Variants in RABIF observed in about 807,000 individuals in gnomAD.
RABIF encodes RAB interacting factor, also known as guanine nucleotide exchange factor MSS4.
In RABIF, 13 loss-of-function variants were observed where a neutral mutation model predicts 12.3. That is an observed-to-expected ratio of 1.06 (90% CI 0.69 to 1.68). RABIF has a LOEUF of 1.68. Among genes scored for constraint, RABIF ranks in the 40% most tolerant of loss-of-function variants. The probability of loss-of-function intolerance (pLI) is 0.00; values close to 1 mark genes in which losing one functional copy is unlikely to be tolerated. For synonymous variants in RABIF, 70 were observed against 63.3 expected, an observed-to-expected ratio of 1.11 and a Z score of -0.50; for missense variants, 153 against 158.0, an observed-to-expected ratio of 0.97 and a Z score of 0.17.
Position 202,889,148 on chromosome 1 carries a change from C to T in RABIF, c.-50G>A, listed in dbSNP as rs530279299. 8 of 1,553,706 alleles carry T rather than the reference C, an allele frequency of 5.1e-6. No individual in the cohort carries two copies. The East Asian group carries it at 7.0e-5, about 14-fold the overall frequency. ...AGCCACGGCTGCGCAGACGCTGTCT[C>T]TGCTGGCTCGTTATTCACTGCGCTG... On this transcript the variant is annotated 5_prime_UTR_variant, in exon 1 of 2. Transcript: ENST00000367262.
At position 202,879,106 on chromosome 1, in the gene RABIF, A is replaced by G. The variant is rs1164398181; in HGVS notation, c.*1872T>C. 2.0e-5 allele frequency: 3 copies of G among 152,256 alleles called. No individual in the cohort carries two copies. The highest frequency in any genetic ancestry group is 4.4e-5 in the Non-Finnish European group (3 of 68,038). 9.4% of individuals were successfully genotyped at this position (152,256 alleles called of 1,614,324 possible). On this transcript the variant is annotated 3_prime_UTR_variant, in exon 2 of 2. Transcript: ENST00000367262. ...TACGTATATAAAAGTTTCACTAGAAATAAAATAAATGCAAATTAAAACAAT... is the reference window on the plus strand; with the variant it reads ...TACGTATATAAAAGTTTCACTAGAAGTAAAATAAATGCAAATTAAAACAAT...
intron 1 of RABIF, among the ~76,000 whole-genome samples, chr1:202,884,024 C>A (rs865837132): frequency 3.4e-4 from 52 of 152,160 alleles, no homozygotes; most frequent in African/African-American, 1.1e-3. Context: ...GGGATGGCAA[C>A]AAAAAAATTA....
Position 202,880,306 on chromosome 1 carries a change from G to A in RABIF, c.*672C>T, listed in dbSNP as rs1179648204. 6.6e-6 allele frequency: 1 copy of A among 152,578 alleles called. No individual in the cohort carries two copies. Among genetic ancestry groups the A allele is most frequent in the Non-Finnish European group, 1.5e-5 (1 of 68,052 alleles). 9.5% of individuals were successfully genotyped at this position (152,578 alleles called of 1,614,324 possible). ...ACCTTCTAGGCTGTAGCAGTGAGGAGCTAATATAAAAAGAAACTACAAGAT... is the reference window on the plus strand; with the variant it reads ...ACCTTCTAGGCTGTAGCAGTGAGGAACTAATATAAAAAGAAACTACAAGAT... On this transcript the variant is annotated 3_prime_UTR_variant, in exon 2 of 2. Transcript: ENST00000367262.
chr1:202,880,977 G>C lies in RABIF; in HGVS notation c.*1C>G. 1.2e-6 allele frequency: 2 copies of C among 1,613,812 alleles called. No homozygotes were observed. Among genetic ancestry groups the C allele is most frequent in the South Asian group, 1.1e-5 (1 of 91,066 alleles). ...ATGGAGCTGAGTACCCCTCCCCTCA[G>C]TTACTCATGGGAAACTCGTTCCAAG... On this transcript the variant is annotated 3_prime_UTR_variant, in exon 2 of 2. Transcript: ENST00000367262.
Position 202,879,549 on chromosome 1 carries a change from C to G in RABIF, c.*1429G>C, listed in dbSNP as rs575909658. The G allele has an allele frequency of 2.0e-5, 3 of 152,274 alleles. No homozygotes were observed. The highest frequency in any genetic ancestry group is 4.4e-5 in the Non-Finnish European group (3 of 68,032). The allele number at this position is 152,274 out of a possible 1,614,324, so 9.4% of individuals were successfully genotyped here. A position where few individuals can be genotyped will look rare whatever the true frequency, so the allele number is the denominator to read the frequency against. On this transcript the variant is annotated 3_prime_UTR_variant, in exon 2 of 2. Transcript: ENST00000367262. Reference sequence around the variant, plus strand: ...CATGCCATAACGATGGACATGTGACCGTTTGTCGGAAAAACACAGTTCTCT... The same window carrying G: ...CATGCCATAACGATGGACATGTGACGGTTTGTCGGAAAAACACAGTTCTCT...
intron 1 of RABIF, among the ~76,000 whole-genome samples, 163 bp from the exon 2 acceptor site, chr1:202,881,386 C>T (rs565285890): frequency 6.6e-6 from 1 of 151,164 alleles, no homozygotes; most frequent in South Asian, 2.1e-4. Context: ...CTCTTCTTTG[C>T]CTCTGGTCTC....
Position 202,880,805 on chromosome 1 carries a change from G to T in RABIF, c.*173C>A, listed in dbSNP as rs1195515609. 2 of 1,410,268 alleles carry T rather than the reference G, an allele frequency of 1.4e-6. No individual in the cohort carries two copies. Among genetic ancestry groups the T allele is most frequent in the East Asian group, 2.5e-5 (1 of 40,176 alleles). 87.4% of individuals were successfully genotyped at this position (1,410,268 alleles called of 1,614,324 possible). Reference sequence around the variant, plus strand: ...TGAACTAAGCAGGAGGCATGTACTTGAGGCTTTAGGAAGCAGGATTAACCC... The same window carrying T: ...TGAACTAAGCAGGAGGCATGTACTTTAGGCTTTAGGAAGCAGGATTAACCC... On this transcript the variant is annotated 3_prime_UTR_variant, in exon 2 of 2. Transcript: ENST00000367262.
intron 1 of RABIF, among the ~76,000 whole-genome samples, chr1:202,884,797 T>C (rs1659535611): frequency 6.6e-6 from 1 of 151,986 alleles, no homozygotes; most frequent in Non-Finnish European, 1.5e-5. Flanking sequence ...AATACATCAT[T>C]GTTCGGGCCG....
chr1:202,881,577 A>G (rs987439665), intron 1 of RABIF, among the ~76,000 whole-genome samples: 79 of 148,918 alleles, frequency 5.3e-4, no homozygotes, highest in South Asian at 2.1e-4. Context: ...AATTTTTTGT[A>G]TTTTTTTTTT....
At chr1:202,886,100 G>C (rs879459418) in intron 1 of RABIF, among the ~76,000 whole-genome samples, 1 of 151,654 alleles carries the variant, frequency 6.6e-6, no homozygotes, top group Admixed American at 6.6e-5. Context: ...AAAAAGAAAT[G>C]TAACATATAT....
rs994446629 is a variant in RABIF, at chr1:202,879,550, G to C, written c.*1428C>G. 6.6e-6 allele frequency: 1 copy of C among 152,184 alleles called. No homozygotes were observed. 9.4% of individuals were successfully genotyped at this position (152,184 alleles called of 1,614,324 possible). A position where few individuals can be genotyped will look rare whatever the true frequency, so the allele number is the denominator to read the frequency against. On this transcript the variant is annotated 3_prime_UTR_variant, in exon 2 of 2. Coordinates refer to ENST00000367262, the MANE Select transcript of RABIF (RefSeq NM_002871.5). ...ATGCCATAACGATGGACATGTGACC[G>C]TTTGTCGGAAAAACACAGTTCTCTC...
chr1:202,882,367 G>C (rs555087204), intron 1 of RABIF, among the ~76,000 whole-genome samples: 2 of 152,120 alleles, frequency 1.3e-5, no homozygotes, highest in Admixed American at 6.5e-5. Flanking sequence ...CTGGGCGACA[G>C]AGCGAGACTC....
At chr1:202,885,849 G>C (rs944371204) in intron 1 of RABIF, among the ~76,000 whole-genome samples, 1 of 152,084 alleles carries the variant, frequency 6.6e-6, no homozygotes, top group African/African-American at 2.4e-5. Flanking sequence ...ACACTGGGTT[G>C]GATTACAGCT....
chr1:202,888,628 G>A (rs1461500841), intron 1 of RABIF, among the ~76,000 whole-genome samples: 1 of 152,208 alleles, frequency 6.6e-6, no homozygotes, highest in Non-Finnish European at 1.5e-5. Flanking sequence ...CCGGAATGGG[G>A]CGCCTCCCTT....
chr1:202,888,857 G>A (rs774130866), intron 1 of RABIF, 116 bp downstream of exon 1: 39 of 1,382,730 alleles, frequency 2.8e-5, no homozygotes, highest in Non-Finnish European at 3.7e-5. Context: ...CGGGGCTTAA[G>A]GCCGCGCGAG....
At chr1:202,883,247 G>A (rs1309875901) in intron 1 of RABIF, among the ~76,000 whole-genome samples, 4 of 152,016 alleles carry the variant, frequency 2.6e-5, no homozygotes, top group Non-Finnish European at 5.9e-5. Context: ...GCCCAGGCTG[G>A]GTTTGAACTC....
intron 1 of RABIF, among the ~76,000 whole-genome samples, chr1:202,883,262 G>A (rs532781059): frequency 1.3e-5 from 2 of 152,178 alleles, no homozygotes; most frequent in South Asian, 4.2e-4. Context: ...GAACTCCTGG[G>A]CTCAAGCAAT....
intron 1 of RABIF, among the ~76,000 whole-genome samples, chr1:202,881,781 G>A (rs1243694756): frequency 1.3e-5 from 2 of 152,152 alleles, no homozygotes; most frequent in East Asian, 3.9e-4. Context: ...GCCCCACATG[G>A]TCCTAGTTTC....
chr1:202,882,499 T>A (rs1318422271), intron 1 of RABIF, among the ~76,000 whole-genome samples: 1 of 152,170 alleles, frequency 6.6e-6, no homozygotes, highest in African/African-American at 2.4e-5. Context: ...GAGACTACAG[T>A]GAGCCAAGAT....
Sources: gnomAD v4.1 joint callset for allele counts (sites outside exome capture counted in the v4.1 genomes callset) on GRCh38, gnomAD v4.1.1 for gene constraint, MANE v1.5 for transcripts, NCBI Gene and HGNC (gene_info 2026-07-23, HGNC 2026-07-21) for gene names.